The following KCNH1 variants were observed in gnomAD, a reference collection of about 807,000 sequenced individuals.
The protein encoded by KCNH1 is potassium voltage-gated channel subfamily H member 1.
A neutral mutation model predicts 69.2 loss-of-function variants in KCNH1; 27 were observed. The observed-to-expected ratio is 0.39, with a 90% CI of 0.29 to 0.54. The LOEUF (loss-of-function observed/expected upper bound fraction) is 0.54. Among genes scored for constraint, KCNH1 ranks in the 20% least tolerant of loss-of-function variants. The pLI is 0.68. For missense variants in KCNH1, 798 were observed against 1,261.6 expected (o/e 0.63, Z 5.57); for synonymous variants, 456 against 487.7 (o/e 0.93, Z 0.86).
chr1:210,955,354 C>A (rs1688150541), intron 6 of KCNH1, among the ~76,000 whole-genome samples: 1 of 152,130 alleles, frequency 6.6e-6, no homozygotes, highest in African/African-American at 2.4e-5. Flanking sequence ...CAGCTTTGTT[C>A]TTTTGGCTTA....
chr1:210,866,332 CCA>C (rs1036111573), intron 7 of KCNH1, among the ~76,000 whole-genome samples: 21 of 152,138 alleles, frequency 1.4e-4, no homozygotes, highest in Middle Eastern at 3.4e-3. Flanking sequence ...AAAATGCAAC[CCA>C]CAGACTCGCA....
chr1:210,860,346 T>C (rs1685951411), intron 7 of KCNH1: 1 of 1,455,664 alleles, frequency 6.9e-7, no homozygotes, highest in Admixed American at 1.7e-5. Flanking sequence ...AGACATGCTG[T>C]TGTAAAACAG....
chr1:210,695,598 G>A (rs879516004), intron 10 of KCNH1, among the ~76,000 whole-genome samples: 1 of 152,022 alleles, frequency 6.6e-6, no homozygotes, highest in Admixed American at 6.6e-5. Flanking sequence ...ACCCTGCCTT[G>A]TTCATTTTTG....
Position 210,715,683 on chromosome 1 carries a change from G to A in KCNH1, c.2113-31545C>T, listed in dbSNP as rs139028654. Among the ~76,000 whole-genome samples, 9 of 152,170 alleles carry A rather than the reference G, an allele frequency of 5.9e-5. No homozygotes were observed. In the East Asian group the frequency reaches 1.7e-3, roughly 29 times the overall value. On this transcript the variant is annotated intron_variant, in intron 10 of 10. Coordinates refer to ENST00000271751, the MANE Select transcript of KCNH1 (RefSeq NM_172362.3). ...TCATGAGTTGCTATGATTTTTCAGGGCTAAGAAAGTGGGGCTAGAGGTTCT... is the reference window on the plus strand; with the variant it reads ...TCATGAGTTGCTATGATTTTTCAGGACTAAGAAAGTGGGGCTAGAGGTTCT...
intron 5 of KCNH1, among the ~76,000 whole-genome samples, chr1:211,071,704 C>A (rs1294049777): frequency 1.3e-5 from 2 of 151,954 alleles, no homozygotes. Context: ...TCATGACATA[C>A]CTAATTTTTT....
intron 10 of KCNH1, among the ~76,000 whole-genome samples, chr1:210,717,796 T>A (rs1682296930): frequency 6.6e-6 from 1 of 152,116 alleles, no homozygotes; most frequent in South Asian, 2.1e-4. Flanking sequence ...TACCTACATT[T>A]AAAAAGTCAA....
At chr1:210,832,999 C>G (rs534219518) in intron 7 of KCNH1, among the ~76,000 whole-genome samples, 2 of 150,336 alleles carry the variant, frequency 1.3e-5, no homozygotes, top group African/African-American at 4.9e-5. Flanking sequence ...TTCAAAGAGC[C>G]AGCAGATCCC....
intron 9 of KCNH1, among the ~76,000 whole-genome samples, chr1:210,778,028 G>T (rs1352623452): frequency 6.6e-6 from 1 of 152,182 alleles, no homozygotes; most frequent in Non-Finnish European, 1.5e-5. Context: ...CACACAAGGG[G>T]TCACATGTAT....
chr1:211,088,293 G>A (rs1422255144), intron 4 of KCNH1, among the ~76,000 whole-genome samples: 1 of 152,120 alleles, frequency 6.6e-6, no homozygotes, highest in East Asian at 1.9e-4. Context: ...TGGTAACTGA[G>A]GTGCTGTACT....
At chr1:210,923,681 T>C (rs114629521) in intron 6 of KCNH1, among the ~76,000 whole-genome samples, 318 of 152,352 alleles carry the variant, frequency 2.1e-3, no homozygotes, top group African/African-American at 7.3e-3. Context: ...CATGTGTCCA[T>C]AAGTATTCTA....
intron 7 of KCNH1, among the ~76,000 whole-genome samples, chr1:210,905,731 T>C (rs903982925): frequency 3.3e-5 from 5 of 152,094 alleles, no homozygotes; most frequent in African/African-American, 4.8e-5. Context: ...CGTAGGGTGC[T>C]GAGGGAGCAC....
intron 10 of KCNH1, among the ~76,000 whole-genome samples, chr1:210,737,102 A>T (rs1890847): frequency 0.023 from 3,494 of 152,116 alleles, 116 homozygotes; most frequent in East Asian, 0.15. Context: ...TTTTATTTTC[A>T]ATCTCATCAT....
chr1:211,070,290 C>T (rs1690612804), intron 5 of KCNH1, among the ~76,000 whole-genome samples: 3 of 151,710 alleles, frequency 2.0e-5, no homozygotes, highest in Admixed American at 1.3e-4. Context: ...TAGTGGTGAG[C>T]GCCTGTAGTC....
intron 10 of KCNH1, among the ~76,000 whole-genome samples, chr1:210,720,493 T>C (rs1288936286): frequency 6.6e-6 from 1 of 152,192 alleles, no homozygotes; most frequent in Non-Finnish European, 1.5e-5. Flanking sequence ...AAGACCAAGT[T>C]CGCTTGGGGA....
intron 6 of KCNH1, among the ~76,000 whole-genome samples, chr1:210,996,590 C>T (rs563867409): frequency 6.6e-6 from 1 of 152,356 alleles, no homozygotes; most frequent in Non-Finnish European, 1.5e-5. Context: ...ACAGCAGTAA[C>T]CTCTGCAGAC....
chr1:210,874,654 G>A (rs1686328546), intron 7 of KCNH1, among the ~76,000 whole-genome samples: 1 of 151,946 alleles, frequency 6.6e-6, no homozygotes, highest in Admixed American at 6.6e-5. Context: ...ACCATGTCAG[G>A]CACAATACAA....
chr1:210,706,567 C>G (rs1681917933), intron 10 of KCNH1, among the ~76,000 whole-genome samples: 1 of 152,132 alleles, frequency 6.6e-6, no homozygotes, highest in Admixed American at 6.5e-5. Flanking sequence ...GAAAGGACTG[C>G]ACAAATCACT....
At chr1:211,122,621 A>G (rs1691709742) in intron 1 of KCNH1, among the ~76,000 whole-genome samples, 1 of 152,248 alleles carries the variant, frequency 6.6e-6, no homozygotes, top group African/African-American at 2.4e-5. Context: ...TGTGGTACAT[A>G]TACACCATGG....
chr1:211,107,443 G>T, intron 1 of KCNH1, 66 bp from the exon 2 acceptor site: 3 of 1,478,886 alleles, frequency 2.0e-6, no homozygotes, highest in Non-Finnish European at 2.8e-6. Context: ...GATTCAATGA[G>T]GACATAAATA....
Sources: allele counts gnomAD v4.1 joint callset (sites outside exome capture counted in the v4.1 genomes callset), GRCh38; gene constraint gnomAD v4.1.1; transcripts MANE v1.5; gene names NCBI Gene and HGNC (gene_info 2026-07-23, HGNC 2026-07-21).